CEMIP: variants seen among roughly 807,000 people sequenced by gnomAD.
CEMIP encodes the protein cell migration inducing hyaluronidase 1, also known as cell migration-inducing and hyaluronan-binding protein.
In CEMIP, 105 loss-of-function variants were observed where a neutral mutation model predicts 156.9. That is an observed-to-expected ratio of 0.67 (90% CI 0.57 to 0.79). The LOEUF (loss-of-function observed/expected upper bound fraction) is 0.79. Ranked by LOEUF, CEMIP falls within the 30% of genes least tolerant of loss-of-function variation. The probability of loss-of-function intolerance (pLI) is 0.00; values close to 1 mark genes in which losing one functional copy is unlikely to be tolerated. For synonymous variants in CEMIP, 676 were observed against 668.4 expected, an observed-to-expected ratio of 1.01 and a Z score of -0.17; for missense variants, 1,457 against 1,769.4, an observed-to-expected ratio of 0.82 and a Z score of 3.17.
chr15:80,879,231 G>C (rs991348193), intron 4 of CEMIP, among the ~76,000 whole-genome samples: 17 of 152,208 alleles, frequency 1.1e-4, no homozygotes, highest in Non-Finnish European at 2.5e-4. Flanking sequence ...ATTACAGCCA[G>C]CCATCTATAT....
At chr15:80,840,030 C>T (rs1240160394) in intron 1 of CEMIP, among the ~76,000 whole-genome samples, 3 of 152,204 alleles carry the variant, frequency 2.0e-5, no homozygotes, top group African/African-American at 7.2e-5. Flanking sequence ...CTTTTTGAAT[C>T]TCCTCCTCTA....
At chr15:80,837,262 T>C (rs900876723) in intron 1 of CEMIP, among the ~76,000 whole-genome samples, 2 of 152,074 alleles carry the variant, frequency 1.3e-5, no homozygotes, top group African/African-American at 4.8e-5. Flanking sequence ...CATACCAGAT[T>C]CCATGCTTGA....
chr15:80,947,398 A>G (rs1469185770), intron 29 of CEMIP: 2 of 332,924 alleles, frequency 6.0e-6, no homozygotes, highest in Non-Finnish European at 1.2e-5. Context: ...CCTCCTACCC[A>G]ATTCCTGCTA....
intron 14 of CEMIP, among the ~76,000 whole-genome samples, chr15:80,916,069 T>C (rs991152866): frequency 6.6e-6 from 1 of 152,230 alleles, no homozygotes; most frequent in African/African-American, 2.4e-5. Context: ...TTTGTTTGTT[T>C]TAAACAGCAG....
chr15:80,882,878 G>C (rs949328729), intron 6 of CEMIP, among the ~76,000 whole-genome samples: 5 of 152,138 alleles, frequency 3.3e-5, no homozygotes, highest in African/African-American at 1.2e-4. Context: ...GTAGGTGCTT[G>C]ATCAGGTACA....
Position 80,876,798 on chromosome 15 carries a change from A to G in CEMIP, c.95-1923A>G, listed in dbSNP as rs111673263. On this transcript the variant is annotated intron_variant, in intron 3 of 29. Transcript: ENST00000394685. The stretch of plus-strand genomic sequence containing the variant: ...TTCCTTCCAGTTTTCCTTGACATAT[A>G]TAAATATGGGACAGACACTCCTACT... Among the ~76,000 whole-genome samples the G allele has an allele frequency of 1.8e-3, 275 of 152,322 alleles. 1 individual carries two copies. The highest frequency in any genetic ancestry group is 6.3e-3 in the African/African-American group (262 of 41,574).
chr15:80,823,967 C>T (rs1311626016), intron 1 of CEMIP, among the ~76,000 whole-genome samples: 1 of 152,198 alleles, frequency 6.6e-6, no homozygotes, highest in Non-Finnish European at 1.5e-5. Context: ...CCCCAATGTG[C>T]AGACTCTAAG....
chr15:80,929,842 C>G lies in CEMIP; in HGVS notation c.2612+668C>G, dbSNP rs1900838367. The stretch of plus-strand genomic sequence containing the variant: ...CCTGGTTTCTGCGGCTGGGGGAGTT[C>G]AAATGAAGGTCAGACGATAAGCAGG... On this transcript the variant is annotated intron_variant, in intron 21 of 29. Coordinates refer to ENST00000394685, the MANE Select transcript of CEMIP (RefSeq NM_001293298.2). Among the ~76,000 whole-genome samples the G allele has an allele frequency of 3.3e-5, 5 of 152,284 alleles. No homozygotes were observed. The South Asian group carries it at 1.0e-3, about 32-fold the overall frequency.
chr15:80,946,598 A>G (rs1417876971), intron 28 of CEMIP: 1 of 262,618 alleles, frequency 3.8e-6, no homozygotes, highest in Non-Finnish European at 7.6e-6. Context: ...GGTTGAGAAC[A>G]TTCAAGGGAA....
At chr15:80,878,607 A>G in intron 3 of CEMIP, 114 bp from the exon 4 acceptor site, 2 of 1,388,800 alleles carry the variant, frequency 1.4e-6, no homozygotes, top group Non-Finnish European at 2.0e-6. Context: ...TTTTAGCTCT[A>G]ACAGAGAGGA....
chr15:80,785,959 T>G (rs1447986338), intron 1 of CEMIP, among the ~76,000 whole-genome samples: 2 of 152,210 alleles, frequency 1.3e-5, no homozygotes. Context: ...TAGGAGACCT[T>G]TAGTCTTCTA....
chr15:80,908,177 G>A (rs1192019147), intron 13 of CEMIP, among the ~76,000 whole-genome samples: 1 of 152,214 alleles, frequency 6.6e-6, no homozygotes, highest in African/African-American at 2.4e-5. Flanking sequence ...AAACTCATTA[G>A]TGATACTAAA....
At chr15:80,838,940 C>T (rs1358972191) in intron 1 of CEMIP, among the ~76,000 whole-genome samples, 2 of 152,176 alleles carry the variant, frequency 1.3e-5, no homozygotes, top group Admixed American at 1.3e-4. Flanking sequence ...ACAGCCAAAG[C>T]GCTCCGTGCA....
At chr15:80,863,011 C>G (rs1898026484) in intron 1 of CEMIP, among the ~76,000 whole-genome samples, 1 of 152,164 alleles carries the variant, frequency 6.6e-6, no homozygotes, top group African/African-American at 2.4e-5. Context: ...CCCTTCCTCG[C>G]TGCAGCCTCC....
At chr15:80,887,588 C>G in intron 7 of CEMIP, 106 bp from the exon 8 acceptor site, 1 of 815,882 alleles carries the variant, frequency 1.2e-6, no homozygotes, top group Non-Finnish European at 2.1e-6. Flanking sequence ...AGGGAGGGAC[C>G]CTCCTTCACC....
intron 1 of CEMIP, among the ~76,000 whole-genome samples, chr15:80,844,705 A>G (rs529407856): frequency 6.6e-6 from 1 of 152,346 alleles, no homozygotes. Flanking sequence ...CCATCCCCAA[A>G]GTGACAGAAG....
At chr15:80,909,602 T>C in intron 14 of CEMIP, 1 of 498,750 alleles carries the variant, frequency 2.0e-6, no homozygotes, top group Non-Finnish European at 3.9e-6. Flanking sequence ...CTGGAGATCA[T>C]TCCACGGCCA....
chr15:80,922,541 G>A (rs1031496817), intron 17 of CEMIP, among the ~76,000 whole-genome samples: 2 of 152,216 alleles, frequency 1.3e-5, no homozygotes, highest in African/African-American at 4.8e-5. Flanking sequence ...AAATCAAGAC[G>A]TGGTTCTGAA....
intron 1 of CEMIP, among the ~76,000 whole-genome samples, chr15:80,830,225 C>T (rs2141676282): frequency 6.6e-6 from 1 of 152,280 alleles, no homozygotes; most frequent in East Asian, 1.9e-4. Context: ...GTCATTGGCT[C>T]AGCATTTTGT....
Sources: gnomAD v4.1 joint callset for allele counts (sites outside exome capture counted in the v4.1 genomes callset) on GRCh38, gnomAD v4.1.1 for gene constraint, MANE v1.5 for transcripts, NCBI Gene and HGNC (gene_info 2026-07-23, HGNC 2026-07-21) for gene names.